Variants in FER observed in about 807,000 individuals in gnomAD.
The protein encoded by FER is tyrosine-protein kinase Fer.
FER carries 63 observed loss-of-function variants against 111.0 expected under a neutral mutation model. The observed-to-expected ratio is 0.57, with a 90% CI of 0.46 to 0.70. FER has a LOEUF of 0.70. FER is among the 30% of genes least tolerant of loss of function. The pLI, the probability that FER is intolerant of heterozygous loss-of-function variation, is 0.00. For synonymous variants in FER, 327 were observed against 313.9 expected, an observed-to-expected ratio of 1.04 and a Z score of -0.44; for missense variants, 914 against 954.0, an observed-to-expected ratio of 0.96 and a Z score of 0.55.
At chr5:109,097,280 G>A (rs936573859) in intron 16 of FER, among the ~76,000 whole-genome samples, 1 of 151,828 alleles carries the variant, frequency 6.6e-6, no homozygotes, top group Non-Finnish European at 1.5e-5. Context: ...AACATTGTAA[G>A]TATTGTCTTA....
intron 13 of FER, among the ~76,000 whole-genome samples, chr5:109,004,129 C>T (rs1346671219): frequency 6.6e-6 from 1 of 152,136 alleles, no homozygotes; most frequent in Non-Finnish European, 1.5e-5. Context: ...ATCCCTACAA[C>T]TTTTCTGAAT....
intron 17 of FER, among the ~76,000 whole-genome samples, chr5:109,113,572 T>C (rs753498796): frequency 2.0e-5 from 3 of 152,158 alleles, no homozygotes; most frequent in Non-Finnish European, 4.4e-5. Context: ...ACTGAGTTCT[T>C]CTGAAGTTGT....
At chr5:108,894,439 A>G in intron 9 of FER, 1 of 495,966 alleles carries the variant, frequency 2.0e-6, no homozygotes, top group Non-Finnish European at 3.4e-6. Context: ...CGGACCACTG[A>G]GCCCTGAATG....
At chr5:108,832,462 G>C (rs960811774) in intron 3 of FER, among the ~76,000 whole-genome samples, 1 of 152,160 alleles carries the variant, frequency 6.6e-6, no homozygotes, top group Non-Finnish European at 1.5e-5. Context: ...CAGTATTTCA[G>C]TGTGCTGGAA....
intron 13 of FER, among the ~76,000 whole-genome samples, chr5:108,995,618 G>T (rs1581567402): frequency 6.6e-6 from 1 of 152,116 alleles, no homozygotes; most frequent in Non-Finnish European, 1.5e-5. Flanking sequence ...TGGCTACTTA[G>T]TATTCCATGG....
At chr5:108,945,689 T>C (rs1312158653) in intron 10 of FER, among the ~76,000 whole-genome samples, 1 of 150,454 alleles carries the variant, frequency 6.6e-6, no homozygotes, top group African/African-American at 2.4e-5. Context: ...GTGTTCCATA[T>C]ACTTTTATTC....
intron 3 of FER, among the ~76,000 whole-genome samples, chr5:108,800,546 T>G (rs1157566508): frequency 6.6e-6 from 1 of 151,584 alleles, no homozygotes. Context: ...AGAAACGGGG[T>G]CTCAGTATAT....
At chr5:109,003,587 G>A (rs946193393) in intron 13 of FER, among the ~76,000 whole-genome samples, 2 of 151,606 alleles carry the variant, frequency 1.3e-5, no homozygotes, top group Non-Finnish European at 2.9e-5. Flanking sequence ...TGCACGTAGT[G>A]CACATGTATC....
chr5:109,033,686 AT>A (rs942654795), intron 13 of FER, among the ~76,000 whole-genome samples: 1 of 152,096 alleles, frequency 6.6e-6, no homozygotes, highest in Non-Finnish European at 1.5e-5. Flanking sequence ...GTTCTACCCC[AT>A]CTTTATCCAA....
At chr5:109,053,339 T>C (rs186743278) in intron 16 of FER, among the ~76,000 whole-genome samples, 27 of 141,384 alleles carry the variant, frequency 1.9e-4, no homozygotes, top group African/African-American at 6.4e-4. Flanking sequence ...GCCAAGATCA[T>C]GCCACTGCAC....
intron 10 of FER, among the ~76,000 whole-genome samples, chr5:108,941,153 G>A (rs1261693829): frequency 2.0e-5 from 3 of 152,116 alleles, no homozygotes; most frequent in African/African-American, 7.2e-5. Context: ...TCATGGCTCA[G>A]CTTTATTTCT....
chr5:108,823,614 T>G (rs540434761), intron 3 of FER, among the ~76,000 whole-genome samples: 1 of 152,350 alleles, frequency 6.6e-6, no homozygotes, highest in South Asian at 2.1e-4. Context: ...TTGCAGATTT[T>G]GAAAACTGAG....
intron 17 of FER, among the ~76,000 whole-genome samples, chr5:109,108,180 G>T (rs1749176046): frequency 6.6e-6 from 1 of 152,040 alleles, no homozygotes; most frequent in Non-Finnish European, 1.5e-5. Context: ...ATTTCTATGA[G>T]ATTGGTACTA....
intron 17 of FER, among the ~76,000 whole-genome samples, chr5:109,174,426 G>C (rs1270504253): frequency 2.6e-5 from 4 of 152,020 alleles, no homozygotes; most frequent in Non-Finnish European, 5.9e-5. Context: ...CCTTGTTTTT[G>C]TTTTTGTTTT....
Position 109,186,237 on chromosome 5 carries a change from C to T in FER, c.2241C>T (p.Gly747=). 6.2e-7 allele frequency: 1 copy of T among 1,614,108 alleles called. No homozygotes were observed. The highest frequency in any genetic ancestry group is 1.6e-4 in the Middle Eastern group (1 of 6,062). Residue 747 remains glycine, a synonymous_variant, in exon 19 of 20, where the codon GGC becomes GGT. Transcript: ENST00000281092. The part of the protein sequence containing the change: ...YSSESDVWSF[G]ILLWETFSLG... ...CAGAGAGTGACGTGTGGAGCTTTGG[C>T]ATCCTTCTCTGGGAGACCTTCAGCT...
At chr5:108,878,737 G>T (rs1319776482) in intron 8 of FER, among the ~76,000 whole-genome samples, 1 of 152,106 alleles carries the variant, frequency 6.6e-6, no homozygotes, top group Admixed American at 6.6e-5. Context: ...GATCATGCAA[G>T]TGAGGCACCT....
intron 2 of FER, among the ~76,000 whole-genome samples, chr5:108,793,342 T>C (rs1261411808): frequency 6.6e-6 from 1 of 152,200 alleles, no homozygotes; most frequent in Non-Finnish European, 1.5e-5. Context: ...GATCTCACTC[T>C]TTTTAATGGC....
At chr5:109,152,829 ATTAC>A (rs1754997678) in intron 17 of FER, among the ~76,000 whole-genome samples, 1 of 151,974 alleles carries the variant, frequency 6.6e-6, no homozygotes, top group Admixed American at 6.6e-5. Context: ...TACCTATCTT[ATTAC>A]CACCATCGTA....
chr5:108,783,365 A>G (rs1286533308), intron 2 of FER, among the ~76,000 whole-genome samples: 1 of 152,190 alleles, frequency 6.6e-6, no homozygotes, highest in Non-Finnish European at 1.5e-5. Flanking sequence ...TTTTAAGAGA[A>G]TTTACAATTG....
Sources: gnomAD v4.1 joint callset for allele counts (sites outside exome capture counted in the v4.1 genomes callset) on GRCh38, gnomAD v4.1.1 for gene constraint, MANE v1.5 for transcripts, NCBI Gene and HGNC (gene_info 2026-07-23, HGNC 2026-07-21) for gene names.